The following HS6ST3 variants were observed in gnomAD, a reference collection of about 807,000 sequenced individuals.
HS6ST3 encodes heparan-sulfate 6-O-sulfotransferase 3.
In HS6ST3, 12 loss-of-function variants were observed where a neutral mutation model predicts 36.7. The ratio of observed to expected loss-of-function variants is 0.33; its 90% CI spans 0.21 to 0.53. HS6ST3 has a LOEUF of 0.53. HS6ST3 is among the 20% of genes least tolerant of loss of function. The pLI is 0.95. For missense variants in HS6ST3, 584 were observed against 640.9 expected (o/e 0.91, Z 0.96); for synonymous variants, 240 against 257.5 (o/e 0.93, Z 0.65).
At position 96,295,061 on chromosome 13, in the gene HS6ST3, G is replaced by A. The variant is rs74106388; in HGVS notation, c.707+203492G>A. Among the ~76,000 whole-genome samples the A allele has an allele frequency of 5.8e-3, 887 of 152,178 alleles. 12 individuals are homozygous for A. Among genetic ancestry groups the A allele is most frequent in the African/African-American group, 0.02 (832 of 41,534 alleles). Reference sequence around the variant, plus strand: ...ATAGTCAGGTTTTAAAAAATAGTATGTGGTTAAGACTAGGGCCATGGTAAC... The same window carrying A: ...ATAGTCAGGTTTTAAAAAATAGTATATGGTTAAGACTAGGGCCATGGTAAC... On this transcript the variant is annotated intron_variant, in intron 1 of 1. Transcript: ENST00000376705.
intron 1 of HS6ST3, among the ~76,000 whole-genome samples, chr13:96,275,343 C>T (rs2054742752): frequency 6.6e-6 from 1 of 152,184 alleles, no homozygotes; most frequent in Admixed American, 6.6e-5. Context: ...TAGACCATCT[C>T]TTCCACCTTT....
intron 1 of HS6ST3, among the ~76,000 whole-genome samples, chr13:96,744,875 G>C (rs1469320585): frequency 1.3e-5 from 2 of 152,036 alleles, no homozygotes; most frequent in Non-Finnish European, 2.9e-5. Flanking sequence ...ACATACTTGG[G>C]CTGTGTTTCA....
At position 96,686,058 on chromosome 13, in the gene HS6ST3, G is replaced by A. The variant is rs113787237; in HGVS notation, c.708-146432G>A. On this transcript the variant is annotated intron_variant, in intron 1 of 1. Transcript: ENST00000376705. ...AAGTTATTACTTTCCCACTGGAAAC[G>A]TAACCCATCATTAAATTTTCATCCA... Among the ~76,000 whole-genome samples, 108 of 152,008 alleles carry A rather than the reference G, an allele frequency of 7.1e-4. 1 individual carries two copies. The highest frequency in any genetic ancestry group is 2.4e-3 in the African/African-American group (101 of 41,498).
At chr13:96,196,164 T>C (rs1450138029) in intron 1 of HS6ST3, among the ~76,000 whole-genome samples, 1 of 152,104 alleles carries the variant, frequency 6.6e-6, no homozygotes, top group Non-Finnish European at 1.5e-5. Flanking sequence ...CATCAACTGC[T>C]TTCTCTCTGC....
chr13:96,704,061 C>T (rs976758508), intron 1 of HS6ST3, among the ~76,000 whole-genome samples: 5 of 152,182 alleles, frequency 3.3e-5, no homozygotes, highest in African/African-American at 1.2e-4. Context: ...ATTGTCTGTC[C>T]TCAGGCAGTT....
intron 1 of HS6ST3, among the ~76,000 whole-genome samples, chr13:96,094,076 G>C (rs1184652273): frequency 6.6e-6 from 1 of 152,132 alleles, no homozygotes; most frequent in African/African-American, 2.4e-5. Flanking sequence ...TCACATAATG[G>C]ATAAGAGTAA....
intron 1 of HS6ST3, among the ~76,000 whole-genome samples, chr13:96,151,957 A>T (rs2054087006): frequency 1.3e-5 from 2 of 152,220 alleles, no homozygotes; most frequent in Admixed American, 6.5e-5. Flanking sequence ...TTAACTAATT[A>T]CATCTGCAAA....
chr13:96,479,907 G>A (rs2055882131), intron 1 of HS6ST3, among the ~76,000 whole-genome samples: 3 of 152,224 alleles, frequency 2.0e-5, no homozygotes, highest in Non-Finnish European at 4.4e-5. Flanking sequence ...AATGGCTGGG[G>A]AATTGGGGTG....
At chr13:96,165,188 G>A (rs2054154666) in intron 1 of HS6ST3, among the ~76,000 whole-genome samples, 1 of 152,172 alleles carries the variant, frequency 6.6e-6, no homozygotes, top group African/African-American at 2.4e-5. Context: ...GGGAATGTGA[G>A]CAGAGCATTT....
chr13:96,815,551 T>C (rs1878403170), intron 1 of HS6ST3, among the ~76,000 whole-genome samples: 1 of 152,184 alleles, frequency 6.6e-6, no homozygotes, highest in South Asian at 2.1e-4. Flanking sequence ...GTTGGGCTGG[T>C]CAGTACTTCA....
chr13:96,106,461 T>C (rs2053842237), intron 1 of HS6ST3, among the ~76,000 whole-genome samples: 1 of 152,184 alleles, frequency 6.6e-6, no homozygotes, highest in East Asian at 1.9e-4. Flanking sequence ...CCAACAGCAG[T>C]GTGAGTGAGC....
intron 1 of HS6ST3, among the ~76,000 whole-genome samples, chr13:96,728,552 T>C (rs557169098): frequency 6.6e-5 from 10 of 152,356 alleles, no homozygotes; most frequent in African/African-American, 2.4e-4. Flanking sequence ...AGTAATTTTC[T>C]AGATGTTGCA....
chr13:96,386,249 G>A (rs1031487749), intron 1 of HS6ST3, among the ~76,000 whole-genome samples: 5 of 152,206 alleles, frequency 3.3e-5, no homozygotes, highest in Admixed American at 2.0e-4. Flanking sequence ...AATTATGTGA[G>A]TAAGTATATC....
intron 1 of HS6ST3, among the ~76,000 whole-genome samples, chr13:96,310,822 A>G (rs938337958): frequency 1.6e-4 from 24 of 152,070 alleles, no homozygotes; most frequent in African/African-American, 5.8e-4. Flanking sequence ...CTTAATATTC[A>G]TTTAACTACA....
At chr13:96,105,079 AAG>A (rs1491044624) in intron 1 of HS6ST3, among the ~76,000 whole-genome samples, 38 of 150,666 alleles carry the variant, frequency 2.5e-4, no homozygotes, top group African/African-American at 8.3e-4. Context: ...AAAAAAAAAA[AAG>A]AAAAAGAAAG....
chr13:96,495,927 G>A (rs1008521763), intron 1 of HS6ST3, among the ~76,000 whole-genome samples: 21 of 152,314 alleles, frequency 1.4e-4, no homozygotes, highest in African/African-American at 4.1e-4. Context: ...AGGCCCCCAC[G>A]CAAGACAGGC....
intron 1 of HS6ST3, among the ~76,000 whole-genome samples, chr13:96,205,498 A>T (rs1263798878): frequency 6.6e-6 from 1 of 152,168 alleles, no homozygotes; most frequent in East Asian, 1.9e-4. Context: ...TTATCCTAAT[A>T]CCAAAACTTG....
chr13:96,742,129 C>T (rs543392441), intron 1 of HS6ST3, among the ~76,000 whole-genome samples: 2 of 152,116 alleles, frequency 1.3e-5, no homozygotes, highest in East Asian at 1.9e-4. Context: ...TGAATGAATC[C>T]TACATAATAT....
intron 1 of HS6ST3, among the ~76,000 whole-genome samples, chr13:96,366,592 C>T (rs756870007): frequency 7.3e-4 from 111 of 152,140 alleles, no homozygotes; most frequent in Admixed American, 1.2e-3. Context: ...ACATCAGAAT[C>T]ATCTAGGGTG....
Sources: allele counts gnomAD v4.1 joint callset (sites outside exome capture counted in the v4.1 genomes callset), GRCh38; gene constraint gnomAD v4.1.1; transcripts MANE v1.5; gene names NCBI Gene and HGNC (gene_info 2026-07-23, HGNC 2026-07-21).